MEI4: variants seen among roughly 807,000 people sequenced by gnomAD.
MEI4 encodes meiosis-specific protein MEI4.
Under a neutral mutation model 31.4 loss-of-function variants are expected in MEI4, and 27 were observed. That is an observed-to-expected ratio of 0.86 (90% CI 0.63 to 1.19). The LOEUF (loss-of-function observed/expected upper bound fraction) is 1.19, where lower values mean the gene tolerates loss of function less well. MEI4 is among the 50% of genes most tolerant of loss of function. MEI4 has a pLI of 0.00. For missense variants in MEI4, 329 were observed against 398.9 expected (o/e 0.82, Z 1.49); for synonymous variants, 122 against 145.4 (o/e 0.84, Z 1.16).
chr6:77,896,268 G>A lies in MEI4; in HGVS notation c.901-26821G>A, dbSNP rs541526917. Among the ~76,000 whole-genome samples the A allele has an allele frequency of 5.9e-5, 9 of 152,172 alleles. No homozygotes were observed. The East Asian group carries it at 1.7e-3, about 29-fold the overall frequency. ...ATCTATTTTATCACCATATCCACCA[G>A]TCTGCTCAATCCAATGACCAAGAAA... On this transcript the variant is annotated intron_variant, in intron 4 of 4. Transcript: ENST00000684080.
intron 3 of MEI4, among the ~76,000 whole-genome samples, chr6:77,816,590 G>T (rs967643415): frequency 1.3e-5 from 2 of 152,016 alleles, no homozygotes; most frequent in Non-Finnish European, 2.9e-5. Context: ...GAATAGTGCC[G>T]CAATAAACAT....
At position 77,757,450 on chromosome 6, in the gene MEI4, A is replaced by AT. The variant is rs562261923; in HGVS notation, c.233-3679dup. 2.6e-5 allele frequency among the ~76,000 whole-genome samples: 4 copies of AT among 152,300 alleles called. No individual in the cohort carries two copies. The South Asian group carries it at 8.3e-4, about 32-fold the overall frequency. On this transcript the variant is annotated intron_variant, in intron 2 of 4. Coordinates refer to ENST00000684080, the MANE Select transcript of MEI4 (RefSeq NM_001322247.2). ...AAGCAGCCTGTAAGAAAGGTGGTCAATGTTGTGTATTCCTGTCCCCATAGC... is the reference window on the plus strand; with the variant it reads ...AAGCAGCCTGTAAGAAAGGTGGTCAATTGTTGTGTATTCCTGTCCCCATAGC...
At chr6:77,841,331 ATAT>A (rs1303589552) in intron 4 of MEI4, among the ~76,000 whole-genome samples, 3 of 35,480 alleles carry the variant, frequency 8.5e-5, no homozygotes, top group Non-Finnish European at 1.3e-4. Context: ...ATATATATAT[ATAT>A]TTTTTTTTTT....
At chr6:77,800,418 A>G (rs1408617336) in intron 3 of MEI4, among the ~76,000 whole-genome samples, 2 of 152,170 alleles carry the variant, frequency 1.3e-5, no homozygotes, top group East Asian at 3.9e-4. Flanking sequence ...GGTTTTCTAG[A>G]TATACAATCA....
At chr6:77,877,866 A>G (rs1468197174) in intron 4 of MEI4, among the ~76,000 whole-genome samples, 1 of 152,064 alleles carries the variant, frequency 6.6e-6, no homozygotes, top group Non-Finnish European at 1.5e-5. Context: ...AGAACAAAAA[A>G]AAAGATTGCT....
intron 1 of MEI4, among the ~76,000 whole-genome samples, chr6:77,687,391 T>C (rs1354905032): frequency 6.6e-6 from 1 of 152,126 alleles, no homozygotes; most frequent in Non-Finnish European, 1.5e-5. Context: ...AAACAGAGAA[T>C]ATATTTAGGA....
At chr6:77,886,338 T>G (rs1771616764) in intron 4 of MEI4, among the ~76,000 whole-genome samples, 1 of 152,200 alleles carries the variant, frequency 6.6e-6, no homozygotes, top group African/African-American at 2.4e-5. Context: ...TGTTATTCAT[T>G]ATTGCTTTGC....
intron 4 of MEI4, among the ~76,000 whole-genome samples, chr6:77,848,681 T>A (rs1281477563): frequency 6.6e-6 from 1 of 152,054 alleles, no homozygotes; most frequent in Non-Finnish European, 1.5e-5. Context: ...AACTACTCTC[T>A]CAAGGAAACT....
chr6:77,749,219 A>C (rs1226176634), intron 2 of MEI4, among the ~76,000 whole-genome samples: 1 of 152,194 alleles, frequency 6.6e-6, no homozygotes, highest in African/African-American at 2.4e-5. Context: ...TTCTCCTCCA[A>C]AGGATCACAA....
intron 4 of MEI4, among the ~76,000 whole-genome samples, chr6:77,859,775 C>G (rs1365185250): frequency 2.0e-5 from 3 of 152,132 alleles, no homozygotes; most frequent in African/African-American, 7.2e-5. Context: ...CTCACGTACT[C>G]ACAAATGCAT....
intron 3 of MEI4, among the ~76,000 whole-genome samples, chr6:77,767,541 A>G (rs1460243942): frequency 6.6e-6 from 1 of 152,010 alleles, no homozygotes; most frequent in Non-Finnish European, 1.5e-5. Flanking sequence ...CAAAAATTCC[A>G]AAAATATTAG....
At chr6:77,713,119 G>A (rs1000370800) in intron 2 of MEI4, among the ~76,000 whole-genome samples, 1 of 152,044 alleles carries the variant, frequency 6.6e-6, no homozygotes, top group African/African-American at 2.4e-5. Context: ...TTGAATATTA[G>A]CTCTGTCAAC....
chr6:77,657,481 G>A (rs1406627918), intron 1 of MEI4, among the ~76,000 whole-genome samples: 1 of 61,010 alleles, frequency 1.6e-5, no homozygotes, highest in Non-Finnish European at 3.1e-5. Context: ...AGAGCTTCCT[G>A]TATTCTTTGT....
chr6:77,868,187 G>T (rs1388130714), intron 4 of MEI4, among the ~76,000 whole-genome samples: 1 of 150,038 alleles, frequency 6.7e-6, no homozygotes, highest in Non-Finnish European at 1.5e-5. Context: ...CCTGCACATT[G>T]TACACATGTA....
At chr6:77,825,357 C>T (rs1008424013) in intron 3 of MEI4, among the ~76,000 whole-genome samples, 21 of 152,208 alleles carry the variant, frequency 1.4e-4, no homozygotes, top group African/African-American at 4.8e-4. Context: ...ATTTGCTCTA[C>T]ATACTGACAG....
At position 77,919,536 on chromosome 6, in the gene MEI4, A is replaced by G. The variant is rs1358611838; in HGVS notation, c.901-3553A>G. Among the ~76,000 whole-genome samples the G allele has an allele frequency of 5.3e-5, 8 of 152,210 alleles. No individual in the cohort carries two copies. The East Asian group carries it at 1.5e-3, about 29-fold the overall frequency. ...AAATTTATAGCACTAAATACCCACA[A>G]GAGAAAGCAGGAAAGATCCAAAATT... On this transcript the variant is annotated intron_variant, in intron 4 of 4. Transcript: ENST00000684080.
At chr6:77,897,203 T>C (rs1766099146) in intron 4 of MEI4, among the ~76,000 whole-genome samples, 1 of 152,024 alleles carries the variant, frequency 6.6e-6, no homozygotes, top group African/African-American at 2.4e-5. Flanking sequence ...AAAGAAGGAA[T>C]TCCCCAAAAG....
intron 4 of MEI4, among the ~76,000 whole-genome samples, chr6:77,831,136 C>T (rs1235293873): frequency 6.9e-6 from 1 of 144,624 alleles, no homozygotes; most frequent in East Asian, 2.0e-4. Context: ...AAATGGCTAG[C>T]AGGCATATGA....
At chr6:77,864,143 C>A (rs1410786360) in intron 4 of MEI4, among the ~76,000 whole-genome samples, 1 of 150,522 alleles carries the variant, frequency 6.6e-6, no homozygotes, top group South Asian at 2.1e-4. Flanking sequence ...ATTGTAAAGA[C>A]CATCGAGGCT....
Sources: gnomAD v4.1 joint callset for allele counts (sites outside exome capture counted in the v4.1 genomes callset) on GRCh38, gnomAD v4.1.1 for gene constraint, MANE v1.5 for transcripts, NCBI Gene and HGNC (gene_info 2026-07-23, HGNC 2026-07-21) for gene names.